The following MAST2 variants were observed in gnomAD, a reference collection of about 807,000 sequenced individuals.
MAST2 encodes the protein microtubule-associated serine/threonine-protein kinase 2.
In MAST2, 70 loss-of-function variants were observed where a neutral mutation model predicts 147.4. The observed-to-expected ratio is 0.47, with a 90% CI of 0.39 to 0.58. MAST2 has a LOEUF of 0.58. Ranked by LOEUF, MAST2 falls within the 20% of genes least tolerant of loss-of-function variation. The probability of loss-of-function intolerance (pLI) is 0.00; values close to 1 mark genes in which losing one functional copy is unlikely to be tolerated. For synonymous variants in MAST2, 869 were observed against 896.8 expected (o/e 0.97, Z 0.55); for missense variants, 2,080 against 2,302.3 (o/e 0.90, Z 1.98).
intron 3 of MAST2, among the ~76,000 whole-genome samples, chr1:45,854,898 A>G (rs1017143343): frequency 1.3e-5 from 2 of 152,236 alleles, no homozygotes; most frequent in Admixed American, 6.5e-5. Flanking sequence ...CTGACCAGCT[A>G]TAAATTGGAT....
chr1:45,924,992 C>T (rs1343783339), intron 4 of MAST2, among the ~76,000 whole-genome samples: 1 of 152,126 alleles, frequency 6.6e-6, no homozygotes, highest in African/African-American at 2.4e-5. Flanking sequence ...GTTAAGTCAC[C>T]CAGTTTGTGA....
chr1:45,995,989 T>C (rs117280126), intron 5 of MAST2, among the ~76,000 whole-genome samples: 2 of 152,156 alleles, frequency 1.3e-5, no homozygotes, highest in East Asian at 3.9e-4. Flanking sequence ...TCCGCCATTA[T>C]TTCTTCCTAT....
At chr1:45,817,283 A>G (rs1196317515) in intron 1 of MAST2, among the ~76,000 whole-genome samples, 1 of 152,202 alleles carries the variant, frequency 6.6e-6, no homozygotes, top group African/African-American at 2.4e-5. Context: ...GGCATTTAAT[A>G]ATCAAACTTC....
chr1:46,022,955 CAG>C lies in MAST2; in HGVS notation c.1471_1472del (p.Asp491Ter). ...TGTGACAGTCCTGACACTCCAGAGA[CAG>C]ATGATTCTATTGAGGTAAAAACCCT... On this transcript the variant is annotated frameshift_variant, in exon 13 of 29. Transcript: ENST00000361297. LOFTEE classifies it high-confidence loss of function. 6.2e-7 allele frequency: 1 copy of C among 1,614,150 alleles called. No homozygotes were observed. The highest frequency in any genetic ancestry group is 8.5e-7 in the Non-Finnish European group (1 of 1,179,982).
At chr1:45,975,607 G>A (rs908929240) in intron 5 of MAST2, among the ~76,000 whole-genome samples, 2 of 150,440 alleles carry the variant, frequency 1.3e-5, no homozygotes, top group Non-Finnish European at 3.0e-5. Flanking sequence ...AGGAAGTCAC[G>A]GCTGCAGTAA....
At chr1:45,874,304 G>A (rs567152738) in intron 3 of MAST2, among the ~76,000 whole-genome samples, 54 of 152,174 alleles carry the variant, frequency 3.5e-4, no homozygotes, top group African/African-American at 1.2e-3. Context: ...TAATCCCAGC[G>A]CTTTGGGAGG....
intron 10 of MAST2, among the ~76,000 whole-genome samples, chr1:46,018,135 T>TG (rs1646035391): frequency 6.6e-6 from 1 of 152,152 alleles, no homozygotes; most frequent in Non-Finnish European, 1.5e-5. Flanking sequence ...TCACCACTCT[T>TG]GCTGCCTCTT....
At chr1:46,000,431 C>T (rs941519368) in intron 6 of MAST2, among the ~76,000 whole-genome samples, 18 of 152,198 alleles carry the variant, frequency 1.2e-4, no homozygotes, top group Admixed American at 8.5e-4. Context: ...GTGCGAGGAC[C>T]CAGGTGTGTG....
At chr1:45,832,956 A>G in intron 3 of MAST2, among the ~76,000 whole-genome samples, 1 of 152,104 alleles carries the variant, frequency 6.6e-6, no homozygotes, top group East Asian at 1.9e-4. Flanking sequence ...TTCCATCCCT[A>G]ACCCCGCCCC....
Position 46,023,415 on chromosome 1 carries a change from T to G in MAST2, c.1571+97T>G. ...TATGCTGCCCAGTCCTCTGGGCAGATGCCTCGGGGTGGACCTTCTCACTCC... is the reference window on the plus strand; with the variant it reads ...TATGCTGCCCAGTCCTCTGGGCAGAGGCCTCGGGGTGGACCTTCTCACTCC... On this transcript the variant is annotated intron_variant, in intron 14 of 28. Transcript: ENST00000361297. This position sits in a 1 kb window ranked among gnomAD's most constrained non-coding sequence, Gnocchi z 4.9. 1 of 1,137,472 alleles carries G rather than the reference T, an allele frequency of 8.8e-7. No individual in the cohort carries two copies. Among genetic ancestry groups the G allele is most frequent in the South Asian group, 1.3e-5 (1 of 79,242 alleles). The allele number at this position is 1,137,472 out of a possible 1,614,324, so 70.5% of individuals were successfully genotyped here.
chr1:45,838,017 G>A (rs934372857), intron 3 of MAST2, among the ~76,000 whole-genome samples: 1 of 151,980 alleles, frequency 6.6e-6, no homozygotes, highest in Non-Finnish European at 1.5e-5. Flanking sequence ...GACCTCAGGG[G>A]ATCCACCCGC....
At chr1:45,890,863 A>C (rs1438485894) in intron 4 of MAST2, among the ~76,000 whole-genome samples, 1 of 152,274 alleles carries the variant, frequency 6.6e-6, no homozygotes, top group Non-Finnish European at 1.5e-5. Context: ...AATCATTTAA[A>C]ATAGAGCTAC....
intron 1 of MAST2, among the ~76,000 whole-genome samples, chr1:45,806,440 C>T (rs1397944861): frequency 6.6e-6 from 1 of 152,188 alleles, no homozygotes; most frequent in Non-Finnish European, 1.5e-5. Flanking sequence ...CACTCTGTCA[C>T]CCACGCTGGA....
intron 3 of MAST2, among the ~76,000 whole-genome samples, chr1:45,829,995 C>G (rs1397830991): frequency 6.6e-6 from 1 of 150,930 alleles, no homozygotes; most frequent in Non-Finnish European, 1.5e-5. Context: ...GCTGGGATTA[C>G]AGGTGTGCGC....
intron 1 of MAST2, among the ~76,000 whole-genome samples, chr1:45,812,417 C>T (rs1376612276): frequency 2.8e-5 from 4 of 145,214 alleles, no homozygotes; most frequent in African/African-American, 1.0e-4. Flanking sequence ...AAAGATCAAT[C>T]TGTAAGCCTT....
chr1:45,836,994 G>A (rs1645122375), intron 3 of MAST2, among the ~76,000 whole-genome samples: 1 of 152,222 alleles, frequency 6.6e-6, no homozygotes. Flanking sequence ...TAGATCCCTC[G>A]TATGCGCAGT....
At chr1:45,908,030 A>G (rs1385761387) in intron 4 of MAST2, among the ~76,000 whole-genome samples, 1 of 151,978 alleles carries the variant, frequency 6.6e-6, no homozygotes, top group Non-Finnish European at 1.5e-5. Flanking sequence ...TTGATGATTT[A>G]TGTTTTCTCT....
At chr1:45,899,646 A>G (rs1017118766) in intron 4 of MAST2, among the ~76,000 whole-genome samples, 1 of 152,074 alleles carries the variant, frequency 6.6e-6, no homozygotes, top group Non-Finnish European at 1.5e-5. Flanking sequence ...ATTTCATTCT[A>G]TTTATGGCTG....
Position 45,917,390 on chromosome 1 carries a change from C to T in MAST2, c.500+34995C>T, listed in dbSNP as rs760417336. On this transcript the variant is annotated intron_variant, in intron 4 of 28. Coordinates refer to ENST00000361297, the MANE Select transcript of MAST2 (RefSeq NM_015112.3). ...AAGTAAACCAGCACATGTTTTCACC[C>T]ACATCTGCTCCAGCCCTCTTCCTCA... is the stretch of plus-strand genomic sequence containing the variant. 1.1e-5 allele frequency: 15 copies of T among 1,366,436 alleles called. No individual in the cohort carries two copies. In the African/African-American group the frequency reaches 2.1e-4, roughly 19 times the overall value. 84.6% of individuals were successfully genotyped at this position (1,366,436 alleles called of 1,614,324 possible).
Sources: gnomAD v4.1 joint callset for allele counts (sites outside exome capture counted in the v4.1 genomes callset) on GRCh38, gnomAD v4.1.1 for gene constraint, Gnocchi (gnomAD v3.1) non-coding constraint, MANE v1.5 for transcripts, NCBI Gene and HGNC (gene_info 2026-07-23, HGNC 2026-07-21) for gene names.